PARP8: variants seen among roughly 807,000 people sequenced by gnomAD.
PARP8 encodes the protein poly(ADP-ribose) polymerase family member 8.
PARP8 carries 51 observed loss-of-function variants against 124.1 expected under a neutral mutation model. The observed-to-expected ratio is 0.41, with a 90% CI of 0.33 to 0.52. PARP8 has a LOEUF of 0.52. Ranked by LOEUF, PARP8 falls within the 20% of genes least tolerant of loss-of-function variation. PARP8 has a pLI of 0.21. For missense variants in PARP8, 860 were observed against 1,018.9 expected, an observed-to-expected ratio of 0.84 and a Z score of 2.12; for synonymous variants, 391 against 361.5, an observed-to-expected ratio of 1.08 and a Z score of -0.93.
chr5:50,762,492 T>G (rs868648607), intron 6 of PARP8, among the ~76,000 whole-genome samples: 2 of 152,202 alleles, frequency 1.3e-5, no homozygotes, highest in Admixed American at 6.5e-5. Flanking sequence ...GGTGTGGCTG[T>G]ATAATATGTG....
intron 14 of PARP8, among the ~76,000 whole-genome samples, chr5:50,802,511 T>C (rs1221986868): frequency 6.6e-6 from 1 of 152,124 alleles, no homozygotes; most frequent in African/African-American, 2.4e-5. Flanking sequence ...TTTGTAGAGA[T>C]GGGGTTTCAC....
intron 2 of PARP8, among the ~76,000 whole-genome samples, chr5:50,677,872 T>C (rs1157204648): frequency 2.6e-5 from 4 of 152,042 alleles, no homozygotes; most frequent in African/African-American, 9.7e-5. Flanking sequence ...CAAAGGTATC[T>C]TTCTGAAGGC....
chr5:50,712,869 C>T (rs928823131), intron 2 of PARP8, among the ~76,000 whole-genome samples: 4 of 149,574 alleles, frequency 2.7e-5, no homozygotes, highest in African/African-American at 4.9e-5. Flanking sequence ...TTGTTGCTAA[C>T]ATTAGGCTTG....
In PARP8 at chr5:50,778,645, G is replaced by A; in HGVS notation, c.665G>A (p.Gly222Asp). ...TGTTCACTTACACAGTATTTAAATGGCCCAGGTTAGTTTTATTTCTTTATT... is the reference window on the plus strand; with the variant it reads ...TGTTCACTTACACAGTATTTAAATGACCCAGGTTAGTTTTATTTCTTTATT... The part of the protein sequence containing the change: ...LHCSLTQYLN[G>D]PVPTVDVFQI... Residue 222 changes from glycine (G) to aspartate (D), a missense_variant, in exon 9 of 26, where the codon GGC (glycine) becomes GAC (aspartate). Gly to Asp is a moderately conservative substitution (Grantham distance 94). This residue lies in a region of PARP8 where 517 missense variants were observed against 544.2 expected (regional missense o/e 0.95). Coordinates refer to ENST00000281631, the MANE Select transcript of PARP8 (RefSeq NM_024615.4). 6.3e-7 allele frequency: 1 copy of A among 1,581,802 alleles called. No homozygotes were observed. Among genetic ancestry groups the A allele is most frequent in the Non-Finnish European group, 8.6e-7 (1 of 1,163,290 alleles).
chr5:50,712,970 A>T (rs1754930326), intron 2 of PARP8, among the ~76,000 whole-genome samples: 1 of 152,028 alleles, frequency 6.6e-6, no homozygotes, highest in African/African-American at 2.4e-5. Context: ...ATGTAATAAT[A>T]ACAACTAAAA....
At position 50,796,967 on chromosome 5, in the gene PARP8, C is replaced by G; in HGVS notation, c.1429-15C>G. On this transcript the variant is annotated splice_polypyrimidine_tract_variant and intron_variant, in intron 12 of 25. Coordinates refer to ENST00000281631, the MANE Select transcript of PARP8 (RefSeq NM_024615.4). ...TTAAAAAAATTATCATTTTTTTTTA[C>G]TTTGCTTTTTATAGCCAAATGGTGC... 1 of 1,595,206 alleles carries G rather than the reference C, an allele frequency of 6.3e-7. No homozygotes were observed. The highest frequency in any genetic ancestry group is 8.5e-7 in the Non-Finnish European group (1 of 1,172,062).
rs1235233945 is a variant in PARP8 at position 50,844,364 on chromosome 5, A to G, written c.*2296A>G. ...AGAATCAATCTTATTTTTTAATTGAACTTTTTGAAATTAGGGATACTATAA... is the reference window on the plus strand; with the variant it reads ...AGAATCAATCTTATTTTTTAATTGAGCTTTTTGAAATTAGGGATACTATAA... On this transcript the variant is annotated 3_prime_UTR_variant, in exon 26 of 26. Transcript: ENST00000281631. 1 of 151,730 alleles carries G rather than the reference A, an allele frequency of 6.6e-6. No homozygotes were observed. The highest frequency in any genetic ancestry group is 1.5e-5 in the Non-Finnish European group (1 of 67,774). The allele number at this position is 151,730 out of a possible 1,614,324, so 9.4% of individuals were successfully genotyped here.
At chr5:50,818,246 C>T (rs1178115974) in intron 15 of PARP8, among the ~76,000 whole-genome samples, 2 of 103,044 alleles carry the variant, frequency 1.9e-5, no homozygotes, top group African/African-American at 1.0e-4. Context: ...TTTTCTTCCC[C>T]CTCGAGAGAG....
chr5:50,727,774 A>G (rs114866543), intron 2 of PARP8, among the ~76,000 whole-genome samples: 3,858 of 152,278 alleles, frequency 0.025, 70 homozygotes, highest in Middle Eastern at 0.037. Context: ...TTGTCCCATC[A>G]TCGCATCCTG....
intron 2 of PARP8, among the ~76,000 whole-genome samples, chr5:50,703,249 A>G (rs1235560237): frequency 6.6e-6 from 1 of 151,490 alleles, no homozygotes; most frequent in Non-Finnish European, 1.5e-5. Flanking sequence ...TAAATGAGCC[A>G]TGATCACACC....
intron 2 of PARP8, among the ~76,000 whole-genome samples, chr5:50,732,187 TA>T (rs145521872): frequency 0.018 from 2,748 of 152,324 alleles, 86 homozygotes; most frequent in African/African-American, 0.063. Context: ...ATTGGTTTCT[TA>T]CTCATCACTG....
intron 25 of PARP8, among the ~76,000 whole-genome samples, chr5:50,836,550 G>A (rs1223457229): frequency 0.02 from 1 of 50 alleles, no homozygotes; most frequent in Non-Finnish European, 0.045. Flanking sequence ...ATTGGCCAAA[G>A]CCTGCCAGAA....
chr5:50,743,648 C>A (rs970899557), intron 2 of PARP8, among the ~76,000 whole-genome samples: 5 of 152,020 alleles, frequency 3.3e-5, no homozygotes, highest in Admixed American at 2.6e-4. Context: ...GAGACCTAAC[C>A]AGGCACGATG....
In PARP8 at chr5:50,690,062, C is replaced by T. The variant is rs571463063; in HGVS notation, c.146+21937C>T. ...AAGGGGACAAGGGAGACTTTTCTCT[C>T]CTCTGCAACATAGGAAACAAACCAG... On this transcript the variant is annotated intron_variant, in intron 2 of 25. Transcript: ENST00000281631. Among the ~76,000 whole-genome samples, 13 of 152,326 alleles carry T rather than the reference C, an allele frequency of 8.5e-5. 1 individual carries two copies. The East Asian group carries it at 2.5e-3, about 29-fold the overall frequency.
intron 2 of PARP8, among the ~76,000 whole-genome samples, chr5:50,692,253 C>G (rs1417812547): frequency 1.3e-5 from 2 of 152,062 alleles, no homozygotes; most frequent in Admixed American, 1.3e-4. Context: ...CATCTCTTGA[C>G]CTTTCCAGCC....
At position 50,815,527 on chromosome 5, in the gene PARP8, A is replaced by G. The variant is rs1283930755; in HGVS notation, c.1668+3A>G. On this transcript the variant is annotated splice_donor_region_variant and intron_variant, in intron 15 of 25. Transcript: ENST00000281631. The stretch of plus-strand genomic sequence containing the variant: ...ATGAAATAGCAACTGGAGCTCAGGT[A>G]GTAACACAGGATACTAATTATTTCT... The G allele has an allele frequency of 6.3e-7, 1 of 1,580,284 alleles. No individual in the cohort carries two copies. The highest frequency in any genetic ancestry group is 1.4e-5 in the African/African-American group (1 of 72,296).
At chr5:50,793,619 G>A (rs1027000261) in intron 10 of PARP8, among the ~76,000 whole-genome samples, 4 of 152,138 alleles carry the variant, frequency 2.6e-5, no homozygotes, top group African/African-American at 9.7e-5. Context: ...AGGTGAATAG[G>A]CTGTGTTGAA....
chr5:50,713,390 G>GC (rs1329878027), intron 2 of PARP8, among the ~76,000 whole-genome samples: 1 of 151,922 alleles, frequency 6.6e-6, no homozygotes, highest in Non-Finnish European at 1.5e-5. Flanking sequence ...ACAGGCATGT[G>GC]CCACTATGCC....
At chr5:50,832,205 C>G (rs1747063501) in intron 22 of PARP8, among the ~76,000 whole-genome samples, 1 of 151,998 alleles carries the variant, frequency 6.6e-6, no homozygotes, top group African/African-American at 2.4e-5. Context: ...AGTGTAGATA[C>G]AAATCTACCT....
Sources: gnomAD v4.1 joint callset for allele counts (sites outside exome capture counted in the v4.1 genomes callset) on GRCh38, gnomAD v4.1.1 for gene constraint, gnomAD v4.1.1 regional missense constraint, MANE v1.5 for transcripts, NCBI Gene and HGNC (gene_info 2026-07-23, HGNC 2026-07-21) for gene names.